Variants in PPP4C observed in about 807,000 individuals in gnomAD.
The protein encoded by PPP4C is protein phosphatase 4 catalytic subunit, also known as serine/threonine-protein phosphatase 4 catalytic subunit.
Under a neutral mutation model 40.5 loss-of-function variants are expected in PPP4C, and 10 were observed. That is an observed-to-expected ratio of 0.25 (90% CI 0.15 to 0.42). The LOEUF (loss-of-function observed/expected upper bound fraction) is 0.42. PPP4C is among the 10% of genes least tolerant of loss of function. The pLI is 1.00. For synonymous variants in PPP4C, 187 were observed against 163.6 expected (o/e 1.14, Z -1.09); for missense variants, 191 against 416.4 (o/e 0.46, Z 4.71).
At chr16:30,082,917 C>T (rs751456368) in intron 5 of PPP4C, 70 bp downstream of exon 5, 1 of 1,318,676 alleles carries the variant, frequency 7.6e-7, no homozygotes, top group Non-Finnish European at 1.1e-6. Flanking sequence ...GTCCGTTCCG[C>T]CCTCATCTCC....
chr16:30,084,640 TCTCCATCC>T lies in PPP4C; in HGVS notation c.605-21_605-14del. The T allele has an allele frequency of 1.9e-6, 3 of 1,609,458 alleles. No individual in the cohort carries two copies. The highest frequency in any genetic ancestry group is 2.6e-6 in the Non-Finnish European group (3 of 1,176,128). ...AGCCAGAGAAGCCTGAGGACATCCC[TCTCCATCC>T]CTCCCTTTCCGCATCAGACACCACA... On this transcript the variant is annotated intron_variant, in intron 7 of 8. Transcript: ENST00000279387.
chr16:30,080,255 G>T (rs1036582016), intron 2 of PPP4C, among the ~76,000 whole-genome samples: 4 of 145,462 alleles, frequency 2.7e-5, no homozygotes, highest in Non-Finnish European at 4.5e-5. Context: ...TGAGGCAGGA[G>T]AATCACTTGA....
Position 30,083,794 on chromosome 16 carries a change from G to GGGCAGGGGCA in PPP4C, c.604+21_604+30dup, listed in dbSNP as rs2072556597. On this transcript the variant is annotated intron_variant, in intron 7 of 8. Transcript: ENST00000279387. This position sits in a 1 kb window ranked among gnomAD's most constrained non-coding sequence, Gnocchi z 6.3. ...TCTGACCCAGAAGGTGAGGGCATGTGGGCAGGGGCAGGCAGGGACAGCCAG... is the reference window on the plus strand; with the variant it reads ...TCTGACCCAGAAGGTGAGGGCATGTGGGCAGGGGCAGGCAGGGGCAGGCAGGGACAGCCAG... 1.2e-6 allele frequency: 2 copies of GGGCAGGGGCA among 1,613,302 alleles called. No homozygotes were observed. The highest frequency in any genetic ancestry group is 1.3e-5 in the African/African-American group (1 of 74,944).
chr16:30,082,560 A>C, intron 4 of PPP4C, 26 bp downstream of exon 4: 1 of 1,605,776 alleles, frequency 6.2e-7, no homozygotes, highest in Non-Finnish European at 8.5e-7. Context: ...ACACTGTGAA[A>C]TGTAACGGGG....
intron 2 of PPP4C, among the ~76,000 whole-genome samples, chr16:30,080,026 T>C (rs1403171205): frequency 6.6e-6 from 1 of 152,032 alleles, no homozygotes; most frequent in Non-Finnish European, 1.5e-5. Flanking sequence ...CCAGGCAAAA[T>C]TTGGAAATAC....
rs1567337907 is a variant in PPP4C, at chr16:30,085,018, C to T, written c.880C>T (p.Arg294Trp). 1.2e-6 allele frequency: 2 copies of T among 1,614,164 alleles called. No homozygotes were observed. Among genetic ancestry groups the T allele is most frequent in the Non-Finnish European group, 1.7e-6 (2 of 1,180,028 alleles). Residue 294 changes from arginine (R) to tryptophan (W), a missense_variant, in exon 9 of 9, where the codon CGG (arginine) becomes TGG (tryptophan). Physicochemically the swap from Arg to Trp is moderately radical, Grantham distance 101 (BLOSUM62 -3). This residue lies in a region of PPP4C where 20 missense variants were observed against 41.0 expected (regional missense o/e 0.49). Coordinates refer to ENST00000279387, the MANE Select transcript of PPP4C (RefSeq NM_002720.3). ...CTTTGAGGCTGCTCCCCAAGAGACA[C>T]GGGGCATCCCCTCCAAGAAGCCCGT... ...IIFEAAPQET[R>W]GIPSKKPVAD...
intron 2 of PPP4C, among the ~76,000 whole-genome samples, chr16:30,077,952 C>T (rs959317149): frequency 6.6e-6 from 1 of 152,174 alleles, no homozygotes; most frequent in Admixed American, 6.5e-5. Flanking sequence ...GGGTCGGCCT[C>T]TTTTTCGCCA....
In PPP4C at chr16:30,076,556, T is replaced by C. The variant is rs2072402591; in HGVS notation, c.98+81T>C. On this transcript the variant is annotated intron_variant, in intron 2 of 8. Coordinates refer to ENST00000279387, the MANE Select transcript of PPP4C (RefSeq NM_002720.3). ...CTGGGGCAAACCCAACTGAGAACTT[T>C]GGGCTTGCCTCGTTCTGGAAGCTTT... The C allele has an allele frequency of 8.6e-6, 12 of 1,395,026 alleles. No individual in the cohort carries two copies. The South Asian group carries it at 1.1e-4, about 13-fold the overall frequency. 86.4% of individuals were successfully genotyped at this position (1,395,026 alleles called of 1,614,324 possible).
At position 30,079,995 on chromosome 16, in the gene PPP4C, G is replaced by A. The variant is rs2072474150; in HGVS notation, c.99-1264G>A. On this transcript the variant is annotated intron_variant, in intron 2 of 8. Coordinates refer to ENST00000279387, the MANE Select transcript of PPP4C (RefSeq NM_002720.3). ...CATTTGTGGCACACAGTATGAGCTCGAATGTTCACTGCTGCTATTACCAGG... is the reference window on the plus strand; with the variant it reads ...CATTTGTGGCACACAGTATGAGCTCAAATGTTCACTGCTGCTATTACCAGG... Among the ~76,000 whole-genome samples the A allele has an allele frequency of 2.6e-5, 4 of 152,108 alleles. No homozygotes were observed. In the South Asian group the frequency reaches 6.2e-4, roughly 24 times the overall value.
intron 2 of PPP4C, among the ~76,000 whole-genome samples, chr16:30,077,412 G>T (rs2072422547): frequency 6.6e-6 from 1 of 152,178 alleles, no homozygotes; most frequent in Admixed American, 6.5e-5. Context: ...AAAGCCATCA[G>T]GGAGGGCTTT....
rs200077852 is a variant in PPP4C at position 30,081,326 on chromosome 16, C to A, written c.150+16C>A. The A allele has an allele frequency of 5.4e-5, 86 of 1,601,806 alleles. No homozygotes were observed. The highest frequency in any genetic ancestry group is 6.7e-5 in the Admixed American group (4 of 59,980). On this transcript the variant is annotated intron_variant, in intron 3 of 8. Coordinates refer to ENST00000279387, the MANE Select transcript of PPP4C (RefSeq NM_002720.3). ...GCCAGTCACAGTGAGTACCTGCTGT[C>A]CCTGCAGAGCCAGGCCTGGTCTTTC...
chr16:30,081,978 C>A (rs1235591268), intron 3 of PPP4C, among the ~76,000 whole-genome samples: 1 of 151,856 alleles, frequency 6.6e-6, no homozygotes, highest in Non-Finnish European at 1.5e-5. Context: ...TGACGTGAAC[C>A]CAGGAGGCGG....
chr16:30,084,312 T>C (rs895102555), intron 7 of PPP4C, among the ~76,000 whole-genome samples: 1 of 152,114 alleles, frequency 6.6e-6, no homozygotes, highest in African/African-American at 2.4e-5. Flanking sequence ...GACACACACA[T>C]GCAGCCGCTG....
In PPP4C at chr16:30,083,584, C is replaced by T. The variant is rs781636144; in HGVS notation, c.477+17C>T. The T allele has an allele frequency of 5.0e-6, 8 of 1,613,950 alleles. No individual in the cohort carries two copies. The highest frequency in any genetic ancestry group is 3.3e-5 in the Admixed American group (2 of 60,020). On this transcript the variant is annotated intron_variant, in intron 6 of 8. Transcript: ENST00000279387. This position sits in a 1 kb window ranked among gnomAD's most constrained non-coding sequence, Gnocchi z 6.3. Reference sequence around the variant, plus strand: ...GATGGCAAGGTAAGCCAGCCCAGGGCTCCATGGGACAGGGAGAGGAGGGGG... The same window carrying T: ...GATGGCAAGGTAAGCCAGCCCAGGGTTCCATGGGACAGGGAGAGGAGGGGG...
chr16:30,082,694 T>G (rs1255532495), intron 4 of PPP4C, 52 bp from the exon 5 acceptor site: 1 of 1,558,392 alleles, frequency 6.4e-7, no homozygotes, highest in East Asian at 2.2e-5. Flanking sequence ...CAGAAACAGG[T>G]AGGGGGTAGG....
In PPP4C at chr16:30,079,785, G is replaced by T. The variant is rs2072469336; in HGVS notation, c.99-1474G>T. On this transcript the variant is annotated intron_variant, in intron 2 of 8. Coordinates refer to ENST00000279387, the MANE Select transcript of PPP4C (RefSeq NM_002720.3). ...AAGGGAAGAGATTGGCAGAAAGAGG[G>T]GGGCCAGGCGAGTTGGGCCTCCCAC... Among the ~76,000 whole-genome samples, 3 of 152,284 alleles carry T rather than the reference G, an allele frequency of 2.0e-5. No homozygotes were observed. In the South Asian group the frequency reaches 6.2e-4, roughly 32 times the overall value.
intron 2 of PPP4C, 107 bp downstream of exon 2, chr16:30,076,582 C>G (rs962989590): frequency 1.2e-5 from 14 of 1,149,904 alleles, no homozygotes; most frequent in Non-Finnish European, 1.8e-5. Flanking sequence ...TGGAAGCTTT[C>G]CCAGAGAGGA....
chr16:30,084,886 G>A (rs749248998), intron 8 of PPP4C, 31 bp downstream of exon 8: 18 of 1,613,644 alleles, frequency 1.1e-5, no homozygotes, highest in Admixed American at 1.7e-5. Context: ...TGGGATGGGC[G>A]GGCATCTGAG....
chr16:30,081,866 A>G (rs2072514420), intron 3 of PPP4C, among the ~76,000 whole-genome samples: 1 of 152,106 alleles, frequency 6.6e-6, no homozygotes. Flanking sequence ...CATCCTGGCT[A>G]ACATGGTGAA....
Sources: allele counts gnomAD v4.1 joint callset (sites outside exome capture counted in the v4.1 genomes callset), GRCh38; gene constraint gnomAD v4.1.1; regional missense constraint gnomAD v4.1.1; non-coding constraint Gnocchi (gnomAD v3.1); transcripts MANE v1.5; gene names NCBI Gene and HGNC (gene_info 2026-07-23, HGNC 2026-07-21).